ZNF485: variants seen among roughly 807,000 people sequenced by gnomAD.
ZNF485 encodes the protein zinc finger protein 485.
ZNF485 carries 9 observed loss-of-function variants against 10.8 expected under a neutral mutation model. That is an observed-to-expected ratio of 0.83 (90% CI 0.50 to 1.45). The LOEUF (loss-of-function observed/expected upper bound fraction) is 1.45. Among genes scored for constraint, ZNF485 ranks in the 40% most tolerant of loss-of-function variants. The probability of loss-of-function intolerance (pLI) is 0.00; values close to 1 mark genes in which losing one functional copy is unlikely to be tolerated. For synonymous variants in ZNF485, 187 were observed against 181.0 expected (o/e 1.03, Z -0.27); for missense variants, 487 against 528.0 (o/e 0.92, Z 0.76).
At chr10:43,609,063 C>T (rs552614666) in intron 3 of ZNF485, among the ~76,000 whole-genome samples, 192 bp from the exon 4 acceptor site, 30 of 152,068 alleles carry the variant, frequency 2.0e-4, no homozygotes, top group Non-Finnish European at 4.1e-4. Flanking sequence ...TTTGCCCCCT[C>T]CCTTTGCTTT....
chr10:43,606,598 C>A lies in ZNF485; in HGVS notation c.-55+52C>A, dbSNP rs1838650494. ...GGTCCCTGAAGCCTCGAGCCCCTGG[C>A]GGGTGCTCCCCGCCTTTCCCAGGGG... is the stretch of plus-strand genomic sequence containing the variant. On this transcript the variant is annotated intron_variant, in intron 1 of 4. Transcript: ENST00000361807. The A allele has an allele frequency of 1.4e-5, 4 of 284,076 alleles. No homozygotes were observed. In the South Asian group the frequency reaches 1.8e-4, roughly 13 times the overall value. The allele number at this position is 284,076 out of a possible 1,614,324, so 17.6% of individuals were successfully genotyped here.
Position 43,616,652 on chromosome 10 carries a change from C to G in ZNF485, c.609C>G (p.Asn203Lys). Residue 203 changes from asparagine (N) to lysine (K), a missense_variant, in exon 5 of 5, where the codon AAC becomes AAG. Physicochemically the swap from Asn to Lys is moderately conservative, Grantham distance 94. Transcript: ENST00000361807. The part of the protein sequence containing the change: ...KFLKKHSTFI[N>K]HQRIHSREKP... ...TGAAGAAGCACTCAACGTTTATCAA[C>G]CATCAGAGAATTCATTCTAGGGAGA... The G allele has an allele frequency of 6.2e-7, 1 of 1,614,154 alleles. No homozygotes were observed. The highest frequency in any genetic ancestry group is 8.5e-7 in the Non-Finnish European group (1 of 1,180,040).
intron 4 of ZNF485, among the ~76,000 whole-genome samples, chr10:43,615,397 T>G (rs1441156561): frequency 6.6e-6 from 1 of 151,450 alleles, no homozygotes; most frequent in Non-Finnish European, 1.5e-5. Flanking sequence ...ACCCATTGAT[T>G]GGTAATTTTT....
rs557863294 is a variant in ZNF485, at chr10:43,607,412, G to A, written c.24+338G>A. 23 of 367,456 alleles carry A rather than the reference G, an allele frequency of 6.3e-5. No homozygotes were observed. The South Asian group carries it at 1.3e-3, about 21-fold the overall frequency. The allele number at this position is 367,456 out of a possible 1,614,324, so 22.8% of individuals were successfully genotyped here. A position where few individuals can be genotyped will look rare whatever the true frequency, so the allele number is the denominator to read the frequency against. ...TTTAGTGTGTGGTAGGGTGGGAGGG[G>A]TGGAGTAGTGGGCGCCTTAGTTCTT... On this transcript the variant is annotated intron_variant, in intron 2 of 4. Transcript: ENST00000361807.
chr10:43,611,588 G>A (rs912063694), intron 4 of ZNF485, among the ~76,000 whole-genome samples: 5 of 152,150 alleles, frequency 3.3e-5, no homozygotes, highest in African/African-American at 9.6e-5. Flanking sequence ...GGGTATTTCC[G>A]CTATTCATAA....
chr10:43,607,390 A>T, intron 2 of ZNF485: 5 of 423,870 alleles, frequency 1.2e-5, no homozygotes, highest in East Asian at 4.0e-5. Flanking sequence ...CTTGACCTTT[A>T]GTGTGTGGTA....
intron 1 of ZNF485, 37 bp downstream of exon 1, chr10:43,606,583 G>C: frequency 3.5e-6 from 1 of 289,214 alleles, no homozygotes; most frequent in Non-Finnish European, 6.5e-6. Flanking sequence ...GGTCCCTGAA[G>C]CCTCGAGCCC....
intron 2 of ZNF485, 85 bp downstream of exon 2, chr10:43,607,159 C>G: frequency 1.3e-6 from 2 of 1,501,708 alleles, no homozygotes; most frequent in Non-Finnish European, 1.8e-6. Flanking sequence ...ATGCCCTGCC[C>G]TGTGTGTGGA....
Position 43,616,435 on chromosome 10 carries a change from A to G in ZNF485, c.392A>G (p.Lys131Arg). The change falls in exon 5 of 5, where the codon AAG (lysine) becomes AGG (arginine). Residue 131 changes from lysine to arginine, a missense_variant. By Grantham distance (26) the Lys-to-Arg change is conservative. Coordinates refer to ENST00000361807, the MANE Select transcript of ZNF485 (RefSeq NM_145312.4). ...EGRSSTEKNYKCKECGKVFKY... is the reference protein window; with the variant it reads ...EGRSSTEKNYRCKECGKVFKY... ...AGAAGCTCCACAGAGAAGAACTATA[A>G]GTGCAAGGAATGTGGGAAAGTCTTC... 1 of 1,614,192 alleles carries G rather than the reference A, an allele frequency of 6.2e-7. No homozygotes were observed. The highest frequency in any genetic ancestry group is 8.5e-7 in the Non-Finnish European group (1 of 1,180,018).
Position 43,607,078 on chromosome 10 carries a change from A to G in ZNF485, c.24+4A>G. On this transcript the variant is annotated splice_donor_region_variant and intron_variant, in intron 2 of 4. Transcript: ENST00000361807. ...GGCCCCAAGAGCCCAGATCCAGGCA[A>G]GTTTGATTTTTCCATTTCTTGAGAA... The G allele has an allele frequency of 6.4e-7, 1 of 1,551,590 alleles. No homozygotes were observed. Among genetic ancestry groups the G allele is most frequent in the Non-Finnish European group, 8.7e-7 (1 of 1,147,022 alleles).
Position 43,616,924 on chromosome 10 carries a change from G to T in ZNF485, c.881G>T (p.Gly294Val), listed in dbSNP as rs757349116. 1 of 1,614,126 alleles carries T rather than the reference G, an allele frequency of 6.2e-7. No individual in the cohort carries two copies. Among genetic ancestry groups the T allele is most frequent in the Non-Finnish European group, 8.5e-7 (1 of 1,180,038 alleles). ...TTGGAACATCAGAAAATCCATACTGGTGAGAAGCCATATCAGTGTAATGAA... is the reference window on the plus strand; with the variant it reads ...TTGGAACATCAGAAAATCCATACTGTTGAGAAGCCATATCAGTGTAATGAA... ...TVLEHQKIHT[G>V]EKPYQCNECG... Residue 294 changes from glycine (G) to valine (V), a missense_variant, in exon 5 of 5, where the codon GGT becomes GTT. Physicochemically the swap from Gly to Val is moderately radical, Grantham distance 109. Coordinates refer to ENST00000361807, the MANE Select transcript of ZNF485 (RefSeq NM_145312.4).
chr10:43,615,483 C>T (rs183830378), intron 4 of ZNF485, among the ~76,000 whole-genome samples: 1 of 152,188 alleles, frequency 6.6e-6, no homozygotes, highest in East Asian at 1.9e-4. Context: ...CTCACTGCAA[C>T]TTCTGCCTCC....
intron 4 of ZNF485, among the ~76,000 whole-genome samples, chr10:43,614,858 A>G (rs1046067508): frequency 6.6e-6 from 1 of 152,136 alleles, no homozygotes; most frequent in Admixed American, 6.5e-5. Context: ...TAGGGTTTAT[A>G]TATTTTTTTT....
Position 43,607,041 on chromosome 10 carries a change from C to T in ZNF485, c.-10C>T. ...TCAGCCCTTGCCTGGGAGAACAGTT[C>T]AGGAGACAGATGGCCCCAAGAGCCC... On this transcript the variant is annotated 5_prime_UTR_variant, in exon 2 of 5. Coordinates refer to ENST00000361807, the MANE Select transcript of ZNF485 (RefSeq NM_145312.4). 6.4e-7 allele frequency: 1 copy of T among 1,551,830 alleles called. No individual in the cohort carries two copies. The highest frequency in any genetic ancestry group is 8.7e-7 in the Non-Finnish European group (1 of 1,147,028).
In ZNF485 at chr10:43,617,486, G is replaced by A. The variant is rs761115762; in HGVS notation, c.*117G>A. 5.2e-5 allele frequency: 40 copies of A among 768,462 alleles called. No individual in the cohort carries two copies. The highest frequency in any genetic ancestry group is 2.9e-4 in the Middle Eastern group (1 of 3,392). The allele number at this position is 768,462 out of a possible 1,614,324, so 47.6% of individuals were successfully genotyped here. On this transcript the variant is annotated 3_prime_UTR_variant, in exon 5 of 5. Transcript: ENST00000361807. ...TCTGAGAGAACACATCACTTGTGAG[G>A]ATATTCATTGTGAGGTTCTACTAGT...
Position 43,616,723 on chromosome 10 carries a change from C to T in ZNF485, c.680C>T (p.Ser227Leu), listed in dbSNP as rs769974030. 2 of 1,614,110 alleles carry T rather than the reference C, an allele frequency of 1.2e-6. No homozygotes were observed. Among genetic ancestry groups the T allele is most frequent in the East Asian group, 2.2e-5 (1 of 44,892 alleles). Residue 227 changes from serine to leucine, a missense_variant, in exon 5 of 5, where the codon TCA becomes TTA. By Grantham distance (145) the Ser-to-Leu change is moderately radical (BLOSUM62 -2). Transcript: ENST00000361807. ...IECGKTFRKN[S>L]ILLSHQRIHT... ...TGTGGAAAAACTTTCAGAAAGAACT[C>T]AATCCTTTTAAGTCATCAGAGAATT...
chr10:43,615,621 C>G (rs975086826), intron 4 of ZNF485, among the ~76,000 whole-genome samples: 2 of 152,080 alleles, frequency 1.3e-5, no homozygotes, highest in Non-Finnish European at 2.9e-5. Flanking sequence ...AGGCTGGGCT[C>G]GAACTCCTGA....
chr10:43,611,045 T>A (rs1270221158), intron 4 of ZNF485, among the ~76,000 whole-genome samples: 2 of 152,006 alleles, frequency 1.3e-5, no homozygotes, highest in Non-Finnish European at 2.9e-5. Context: ...CTCTCTTTCT[T>A]TCTTTCTTTT....
At chr10:43,612,585 G>A (rs962300366) in intron 4 of ZNF485, among the ~76,000 whole-genome samples, 6 of 152,118 alleles carry the variant, frequency 3.9e-5, no homozygotes, top group Non-Finnish European at 8.8e-5. Context: ...AACAGTTTTA[G>A]TAATTTATAA....
Sources: allele counts gnomAD v4.1 joint callset (sites outside exome capture counted in the v4.1 genomes callset), GRCh38; gene constraint gnomAD v4.1.1; transcripts MANE v1.5; gene names NCBI Gene and HGNC (gene_info 2026-07-23, HGNC 2026-07-21).